HMCN1: variants seen among roughly 807,000 people sequenced by gnomAD.
The protein encoded by HMCN1 is hemicentin-1.
Under a neutral mutation model 625.9 loss-of-function variants are expected in HMCN1, and 321 were observed. That is an observed-to-expected ratio of 0.51 (90% CI 0.47 to 0.56). The LOEUF is 0.56. Among genes scored for constraint, HMCN1 ranks in the 20% least tolerant of loss-of-function variants. The pLI, the probability that HMCN1 is intolerant of heterozygous loss-of-function variation, is 0.00. For synonymous variants in HMCN1, 2,425 were observed against 2,417.6 expected (o/e 1.00, Z -0.09); for missense variants, 6,588 against 6,887.3 (o/e 0.96, Z 1.54).
chr1:186,013,510 T>C (rs1351215797), intron 30 of HMCN1, among the ~76,000 whole-genome samples: 1 of 152,124 alleles, frequency 6.6e-6, no homozygotes, highest in African/African-American at 2.4e-5. Context: ...CTAAGAATGA[T>C]TACCAGAAAA....
At chr1:186,116,736 G>A (rs1318029564) in intron 75 of HMCN1, among the ~76,000 whole-genome samples, 2 of 152,084 alleles carry the variant, frequency 1.3e-5, no homozygotes, top group Non-Finnish European at 2.9e-5. Context: ...TTTAGAGAAT[G>A]TAAGATTCCC....
intron 4 of HMCN1, among the ~76,000 whole-genome samples, chr1:185,877,245 T>C (rs991087120): frequency 1.3e-5 from 2 of 151,634 alleles, no homozygotes; most frequent in Admixed American, 1.3e-4. Context: ...GTTGACTTTG[T>C]TGAAGATCAG....
At chr1:186,185,229 C>A (rs1374964673) in intron 105 of HMCN1, among the ~76,000 whole-genome samples, 3 of 152,156 alleles carry the variant, frequency 2.0e-5, no homozygotes, top group Non-Finnish European at 4.4e-5. Flanking sequence ...CTATCATGGA[C>A]CCCTGCAGCC....
chr1:185,977,969 CTCTT>C lies in HMCN1; in HGVS notation c.2556_2559del (p.Ile854Ter), dbSNP rs745460779. The C allele has an allele frequency of 6.2e-7, 1 of 1,610,808 alleles. No homozygotes were observed. Among genetic ancestry groups the C allele is most frequent in the South Asian group, 1.1e-5 (1 of 91,020 alleles). On this transcript the variant is annotated frameshift_variant, in exon 16 of 107. Coordinates refer to ENST00000271588, the MANE Select transcript of HMCN1 (RefSeq NM_031935.3). LOFTEE classifies it high-confidence loss of function. ...CATCAGCCAACTAAGAACAGGAGCT[CTCTT>C]TATTTTAAGTAGGTTGAAGGAAATA...
rs185754932 is a variant in HMCN1 at position 186,138,757 on chromosome 1, G to A, written c.13924+785G>A. ...CTGGAAAGGAACCCTGTTTGCTTTTGTTCAGGTCACATGTTTACCCCTGAA... is the reference window on the plus strand; with the variant it reads ...CTGGAAAGGAACCCTGTTTGCTTTTATTCAGGTCACATGTTTACCCCTGAA... On this transcript the variant is annotated intron_variant, in intron 89 of 106. Coordinates refer to ENST00000271588, the MANE Select transcript of HMCN1 (RefSeq NM_031935.3). 9.8e-4 allele frequency among the ~76,000 whole-genome samples: 149 copies of A among 152,240 alleles called. 1 individual carries two copies. Among genetic ancestry groups the A allele is most frequent in the African/African-American group, 3.5e-3 (147 of 41,544 alleles).
intron 4 of HMCN1, among the ~76,000 whole-genome samples, chr1:185,867,761 C>T (rs1335342524): frequency 6.6e-6 from 1 of 152,048 alleles, no homozygotes; most frequent in Non-Finnish European, 1.5e-5. Flanking sequence ...TGTGAGCAGT[C>T]AGACACCACT....
intron 49 of HMCN1, among the ~76,000 whole-genome samples, chr1:186,066,116 A>T (rs554234633): frequency 8.5e-5 from 13 of 152,178 alleles, no homozygotes; most frequent in Non-Finnish European, 4.4e-5. Context: ...CTGATAGTCT[A>T]ATTGAGTAGG....
intron 97 of HMCN1, among the ~76,000 whole-genome samples, chr1:186,164,831 G>C (rs1393584001): frequency 6.6e-6 from 1 of 152,166 alleles, no homozygotes; most frequent in Non-Finnish European, 1.5e-5. Context: ...ATTTATCTTG[G>C]ACCCTTTTTA....
chr1:185,749,735 C>T (rs1464381814), intron 1 of HMCN1, among the ~76,000 whole-genome samples: 2 of 152,214 alleles, frequency 1.3e-5, no homozygotes, highest in Non-Finnish European at 2.9e-5. Flanking sequence ...TAACTGCTCT[C>T]GCTGCTGTTC....
chr1:186,176,424 T>A (rs1390069661), intron 103 of HMCN1, among the ~76,000 whole-genome samples: 1 of 152,256 alleles, frequency 6.6e-6, no homozygotes, highest in African/African-American at 2.4e-5. Context: ...TTTCTGCTTC[T>A]GCTGATAGAA....
intron 93 of HMCN1, among the ~76,000 whole-genome samples, chr1:186,147,390 C>CT (rs11287093): frequency 0.033 from 4,526 of 138,362 alleles, 94 homozygotes; most frequent in Non-Finnish European, 0.047. Flanking sequence ...GGCTTCATGT[C>CT]TTTTTTTTTT....
At chr1:186,107,052 T>A in intron 70 of HMCN1, 87 bp downstream of exon 70, 1 of 850,454 alleles carries the variant, frequency 1.2e-6, no homozygotes, top group South Asian at 1.3e-5. Flanking sequence ...TCACAGGATA[T>A]GTTTATAAGT....
chr1:186,182,952 T>A (rs1653031580), intron 105 of HMCN1, among the ~76,000 whole-genome samples: 1 of 152,192 alleles, frequency 6.6e-6, no homozygotes, highest in Non-Finnish European at 1.5e-5. Flanking sequence ...GGTTCCCTTT[T>A]TACACAAAAA....
chr1:185,970,135 A>G (rs1186788836), intron 14 of HMCN1, among the ~76,000 whole-genome samples, 200 bp from the exon 15 acceptor site: 1 of 152,208 alleles, frequency 6.6e-6, no homozygotes, highest in African/African-American at 2.4e-5. Flanking sequence ...TTACACATAC[A>G]GATATAAATA....
At chr1:186,119,651 T>G in intron 78 of HMCN1, 94 bp from the exon 79 acceptor site, 1 of 1,236,712 alleles carries the variant, frequency 8.1e-7, no homozygotes, top group Non-Finnish European at 1.2e-6. Flanking sequence ...TATTTTAGAA[T>G]TATGAATTTG....
chr1:186,155,561 A>AAGTC (rs113936886), intron 97 of HMCN1, among the ~76,000 whole-genome samples: 2,024 of 152,276 alleles, frequency 0.013, 43 homozygotes, highest in African/African-American at 0.042. Context: ...GATTTCTGAA[A>AAGTC]AGTCATGTTC....
intron 1 of HMCN1, among the ~76,000 whole-genome samples, chr1:185,782,730 G>C (rs1571344140): frequency 6.6e-6 from 1 of 152,124 alleles, no homozygotes. Context: ...TAGTCTGATG[G>C]GCTTCCCTTT....
At position 186,115,358 on chromosome 1, in the gene HMCN1, C is replaced by G. The variant is rs1006203445; in HGVS notation, c.11505C>G (p.Ile3835Met). Reference sequence around the variant, plus strand: ...CTACTGGGATACCAAAACCATCAATCAATTGGAGAAAAAATGGGCATCTTC... The same window carrying G: ...CTACTGGGATACCAAAACCATCAATGAATTGGAGAAAAAATGGGCATCTTC... ...CEATGIPKPS[I>M]NWRKNGHLLN... Residue 3835 changes from isoleucine to methionine, a missense_variant, in exon 75 of 107, where the codon ATC becomes ATG. Physicochemically the swap from Ile to Met is conservative, Grantham distance 10 (BLOSUM62 1). Transcript: ENST00000271588. The G allele has an allele frequency of 3.0e-5, 49 of 1,613,762 alleles. No individual in the cohort carries two copies. The highest frequency in any genetic ancestry group is 4.0e-5 in the Non-Finnish European group (47 of 1,179,906).
rs928213472 is a variant in HMCN1, at chr1:185,743,993, T to G, written c.268+8946T>G. ...GACTTTACTGTTTTGTTTTTTTTTT[T>G]TTTTTTTTTTTTTGAGACGGAGTCT... On this transcript the variant is annotated intron_variant, in intron 1 of 106. Coordinates refer to ENST00000271588, the MANE Select transcript of HMCN1 (RefSeq NM_031935.3). Among the ~76,000 whole-genome samples the G allele has an allele frequency of 5.1e-3, 725 of 141,152 alleles. 13 individuals are homozygous for G. Among genetic ancestry groups the G allele is most frequent in the African/African-American group, 0.018 (678 of 38,394 alleles). 92.6% of individuals were successfully genotyped at this position (141,152 alleles called of 152,430 possible).
Sources: gnomAD v4.1 joint callset for allele counts (sites outside exome capture counted in the v4.1 genomes callset) on GRCh38, gnomAD v4.1.1 for gene constraint, MANE v1.5 for transcripts, NCBI Gene and HGNC (gene_info 2026-07-23, HGNC 2026-07-21) for gene names.